The following MSRA variants were observed in gnomAD, a reference collection of about 807,000 sequenced individuals.
The protein encoded by MSRA is methionine sulfoxide reductase A.
In MSRA, 54 loss-of-function variants were observed where a neutral mutation model predicts 31.3. The ratio of observed to expected loss-of-function variants is 1.73; its 90% CI spans 1.39 to 2.17. The LOEUF (loss-of-function observed/expected upper bound fraction) is 2.17, where lower values mean the gene tolerates loss of function less well. MSRA is among the 30% of genes most tolerant of loss of function. The pLI is 0.00. For synonymous variants in MSRA, 169 were observed against 116.5 expected (o/e 1.45, Z -2.90); for missense variants, 507 against 300.9 (o/e 1.69, Z -5.07).
At chr8:10,267,119 C>G (rs945559424) in intron 3 of MSRA, among the ~76,000 whole-genome samples, 1 of 152,202 alleles carries the variant, frequency 6.6e-6, no homozygotes, top group Non-Finnish European at 1.5e-5. Flanking sequence ...AGTTTAAAAC[C>G]TTGTCAACAG....
chr8:10,323,108 A>AAT (rs1554526479), intron 5 of MSRA, among the ~76,000 whole-genome samples: 1 of 148,262 alleles, frequency 6.7e-6, no homozygotes, highest in Non-Finnish European at 1.5e-5. Context: ...AAAAAAAAAA[A>AAT]TGCAGAAGAG....
chr8:10,330,347 T>A (rs528370409), intron 5 of MSRA, among the ~76,000 whole-genome samples: 20 of 152,278 alleles, frequency 1.3e-4, no homozygotes, highest in African/African-American at 4.8e-4. Context: ...ATATACTCAA[T>A]GAATATTTAG....
chr8:10,371,327 T>G (rs1805462540), intron 5 of MSRA, among the ~76,000 whole-genome samples: 1 of 152,032 alleles, frequency 6.6e-6, no homozygotes, highest in Admixed American at 6.5e-5. Context: ...CTGAGCGCGC[T>G]CTCATGCTGG....
chr8:10,055,964 G>C (rs1225820497), intron 1 of MSRA, among the ~76,000 whole-genome samples: 2 of 152,040 alleles, frequency 1.3e-5, no homozygotes, highest in Admixed American at 6.5e-5. Flanking sequence ...TGCAGAGATT[G>C]AGTTTTGAAA....
rs527395342 is a variant in MSRA, at chr8:10,104,283, A to G, written c.142+49625A>G. On this transcript the variant is annotated intron_variant, in intron 1 of 5. Coordinates refer to ENST00000317173, the MANE Select transcript of MSRA (RefSeq NM_012331.5). ...TCCCAAGTATTTGTAATGTGAACCC[A>G]AAAGTATCTGAGACAGGTCTCAATC... Among the ~76,000 whole-genome samples, 5 of 152,338 alleles carry G rather than the reference A, an allele frequency of 3.3e-5. No individual in the cohort carries two copies. In the East Asian group the frequency reaches 9.6e-4, roughly 29 times the overall value.
chr8:10,343,699 G>A (rs779105365), intron 5 of MSRA, among the ~76,000 whole-genome samples: 1 of 152,086 alleles, frequency 6.6e-6, no homozygotes, highest in Non-Finnish European at 1.5e-5. Flanking sequence ...GCACACACAA[G>A]TCAATAGATT....
rs1361124908 is a variant in MSRA, at chr8:10,283,828, T to C, written c.332-17706T>C. Among the ~76,000 whole-genome samples the C allele has an allele frequency of 8.0e-3, 549 of 68,504 alleles. 4 individuals are homozygous for C. Among genetic ancestry groups the C allele is most frequent in the East Asian group, 0.024 (39 of 1,602 alleles). The allele number at this position is 68,504 out of a possible 152,430, so 44.9% of individuals were successfully genotyped here. ...ATATATATATATATATATATATATA[T>C]ATATATATACACACACACACACACA... On this transcript the variant is annotated intron_variant, in intron 3 of 5. Coordinates refer to ENST00000317173, the MANE Select transcript of MSRA (RefSeq NM_012331.5).
chr8:10,177,434 C>A (rs1175439682), intron 1 of MSRA, among the ~76,000 whole-genome samples: 1 of 151,706 alleles, frequency 6.6e-6, no homozygotes, highest in Non-Finnish European at 1.5e-5. Flanking sequence ...GATTCTTGAG[C>A]TTTGATAACT....
chr8:10,313,154 G>A (rs1303245395), intron 4 of MSRA, among the ~76,000 whole-genome samples: 1 of 152,192 alleles, frequency 6.6e-6, no homozygotes, highest in Admixed American at 6.5e-5. Context: ...TGAGGAAGAA[G>A]TGACATATGC....
chr8:10,256,462 A>AT (rs1206510068), intron 3 of MSRA, among the ~76,000 whole-genome samples: 1 of 152,192 alleles, frequency 6.6e-6, no homozygotes, highest in Non-Finnish European at 1.5e-5. Context: ...TTCAGTAGAG[A>AT]TTAATGCAAG....
chr8:10,134,238 G>T (rs1802101368), intron 1 of MSRA, among the ~76,000 whole-genome samples: 1 of 152,182 alleles, frequency 6.6e-6, no homozygotes, highest in Non-Finnish European at 1.5e-5. Flanking sequence ...TGTTTCACTG[G>T]AAGTGTCATG....
At chr8:10,343,054 G>C (rs62490341) in intron 5 of MSRA, among the ~76,000 whole-genome samples, 26,290 of 69,614 alleles carry the variant, frequency 0.38, 2,912 homozygotes, top group Non-Finnish European at 0.42. Flanking sequence ...CACACACACA[G>C]ACACACACAC....
chr8:10,398,674 T>G (rs1807254278), intron 5 of MSRA, among the ~76,000 whole-genome samples: 2 of 152,232 alleles, frequency 1.3e-5, no homozygotes, highest in South Asian at 4.1e-4. Flanking sequence ...GCCTGATCTT[T>G]CCGCTCTCCT....
chr8:10,111,376 CTT>C (rs908056592), intron 1 of MSRA, among the ~76,000 whole-genome samples: 1 of 152,184 alleles, frequency 6.6e-6, no homozygotes, highest in Admixed American at 6.5e-5. Flanking sequence ...TCTTCTCTCT[CTT>C]GGGGCCACTT....
intron 1 of MSRA, among the ~76,000 whole-genome samples, chr8:10,201,799 C>T (rs780469204): frequency 4.6e-5 from 7 of 152,248 alleles, no homozygotes; most frequent in South Asian, 4.1e-4. Flanking sequence ...GCAAGCACTG[C>T]GCTCTCAAGA....
chr8:10,263,212 C>G (rs770309196), intron 3 of MSRA, among the ~76,000 whole-genome samples: 1 of 152,186 alleles, frequency 6.6e-6, no homozygotes, highest in Admixed American at 6.5e-5. Flanking sequence ...GCTGTCACCC[C>G]CAAACGAAGT....
intron 2 of MSRA, among the ~76,000 whole-genome samples, chr8:10,208,953 C>G (rs1809248864): frequency 6.6e-6 from 1 of 152,164 alleles, no homozygotes; most frequent in Non-Finnish European, 1.5e-5. Context: ...TAGATTGTTC[C>G]CTTATTCCCA....
chr8:10,101,870 A>G (rs1231934986), intron 1 of MSRA, among the ~76,000 whole-genome samples: 1 of 152,090 alleles, frequency 6.6e-6, no homozygotes, highest in African/African-American at 2.4e-5. Flanking sequence ...TATCTCTTTG[A>G]GCTCCTGTTT....
chr8:10,067,614 G>C (rs181698781), intron 1 of MSRA, among the ~76,000 whole-genome samples: 22 of 152,292 alleles, frequency 1.4e-4, no homozygotes, highest in African/African-American at 5.1e-4. Flanking sequence ...ATTGTCTTCT[G>C]TACCATTTTG....
Sources: gnomAD v4.1 joint callset for allele counts (sites outside exome capture counted in the v4.1 genomes callset) on GRCh38, gnomAD v4.1.1 for gene constraint, MANE v1.5 for transcripts, NCBI Gene and HGNC (gene_info 2026-07-23, HGNC 2026-07-21) for gene names.